Variants in ADCY2 observed in about 807,000 individuals in gnomAD.
ADCY2 encodes the protein adenylate cyclase 2, also known as adenylate cyclase type 2.
A neutral mutation model predicts 125.2 loss-of-function variants in ADCY2; 31 were observed. The observed-to-expected ratio is 0.25, with a 90% confidence interval of 0.19 to 0.33. The LOEUF (loss-of-function observed/expected upper bound fraction) is 0.33, where lower values mean the gene tolerates loss of function less well. Ranked by LOEUF, ADCY2 falls within the 10% of genes least tolerant of loss-of-function variation. ADCY2 has a pLI of 1.00. For synonymous variants in ADCY2, 512 were observed against 548.4 expected (o/e 0.93, Z 0.93); for missense variants, 904 against 1,418.2 (o/e 0.64, Z 5.82).
intron 2 of ADCY2, among the ~76,000 whole-genome samples, chr5:7,440,833 C>T (rs115366144): frequency 6.6e-6 from 1 of 152,088 alleles, no homozygotes; most frequent in South Asian, 2.1e-4. Flanking sequence ...AGCAGTGTGG[C>T]CCAAGAGTTG....
intron 16 of ADCY2, 55 bp downstream of exon 16, chr5:7,757,641 G>A: frequency 1.3e-6 from 2 of 1,560,542 alleles, no homozygotes; most frequent in South Asian, 1.2e-5. Flanking sequence ...GCATGGCCGT[G>A]TTCAACATGG....
At chr5:7,661,576 GT>G (rs1453364773) in intron 4 of ADCY2, among the ~76,000 whole-genome samples, 1 of 152,206 alleles carries the variant, frequency 6.6e-6, no homozygotes, top group Non-Finnish European at 1.5e-5. Context: ...CCGACACTTG[GT>G]TTTAATGGTC....
At chr5:7,540,468 C>T (rs1734958471) in intron 3 of ADCY2, among the ~76,000 whole-genome samples, 1 of 152,198 alleles carries the variant, frequency 6.6e-6, no homozygotes, top group Non-Finnish European at 1.5e-5. Flanking sequence ...CTAATTTCCG[C>T]AATACCCCAA....
chr5:7,399,327 G>T (rs1342897472), intron 1 of ADCY2, among the ~76,000 whole-genome samples: 1 of 152,154 alleles, frequency 6.6e-6, no homozygotes, highest in Non-Finnish European at 1.5e-5. Flanking sequence ...AGTACATAGA[G>T]ATTTTTTTGC....
At chr5:7,780,076 A>G (rs1036264652) in intron 18 of ADCY2, among the ~76,000 whole-genome samples, 1 of 152,218 alleles carries the variant, frequency 6.6e-6, no homozygotes, top group Non-Finnish European at 1.5e-5. Context: ...CAAACACAGC[A>G]GGAGAGGACA....
At chr5:7,686,993 A>G (rs1320825497) in intron 4 of ADCY2, among the ~76,000 whole-genome samples, 1 of 152,188 alleles carries the variant, frequency 6.6e-6, no homozygotes, top group Non-Finnish European at 1.5e-5. Flanking sequence ...GTGCAGTGCT[A>G]TCTACCATCC....
At chr5:7,630,189 A>G (rs1168671726) in intron 4 of ADCY2, among the ~76,000 whole-genome samples, 2 of 152,060 alleles carry the variant, frequency 1.3e-5, no homozygotes, top group Non-Finnish European at 2.9e-5. Context: ...CTGTCCTTGG[A>G]TGCAAAATTG....
chr5:7,606,209 A>C (rs866531219), intron 3 of ADCY2, among the ~76,000 whole-genome samples: 1 of 152,202 alleles, frequency 6.6e-6, no homozygotes, highest in Non-Finnish European at 1.5e-5. Context: ...CAGACACTTA[A>C]GATATATGTA....
At chr5:7,695,711 A>T (rs777442996) in intron 5 of ADCY2, 41 bp from the exon 6 acceptor site, 10 of 1,243,104 alleles carry the variant, frequency 8.0e-6, no homozygotes, top group Middle Eastern at 1.9e-4. Context: ...AAAATGTATA[A>T]ACTGGAAAAC....
intron 14 of ADCY2, among the ~76,000 whole-genome samples, chr5:7,729,809 A>T (rs1443882573): frequency 6.7e-6 from 1 of 148,334 alleles, no homozygotes; most frequent in Non-Finnish European, 1.5e-5. Context: ...AAATTTCAAT[A>T]TATATTATTT....
At chr5:7,527,750 G>A (rs1015117991) in intron 3 of ADCY2, among the ~76,000 whole-genome samples, 7 of 152,186 alleles carry the variant, frequency 4.6e-5, no homozygotes, top group African/African-American at 1.7e-4. Context: ...AATCATCTAT[G>A]CCAAGTGTGT....
rs754782927 is a variant in ADCY2, at chr5:7,789,630, C to T, written c.2470-12C>T. 1.2e-6 allele frequency: 2 copies of T among 1,610,954 alleles called. No individual in the cohort carries two copies. The highest frequency in any genetic ancestry group is 1.7e-6 in the Non-Finnish European group (2 of 1,178,504). On this transcript the variant is annotated splice_polypyrimidine_tract_variant and intron_variant, in intron 19 of 24. Coordinates refer to ENST00000338316, the MANE Select transcript of ADCY2 (RefSeq NM_020546.3). ...CCTATTGTTTCTTTACCTCTGTGTC[C>T]TCTTGTAACAGAATGAATATTACTG...
At chr5:7,615,523 T>G (rs373722528) in intron 3 of ADCY2, among the ~76,000 whole-genome samples, 1 of 152,330 alleles carries the variant, frequency 6.6e-6, no homozygotes, top group Non-Finnish European at 1.5e-5. Flanking sequence ...GTCTCAAAAT[T>G]TTTGGAAGAG....
At chr5:7,698,449 G>C in intron 7 of ADCY2, 75 bp downstream of exon 7, 1 of 1,484,700 alleles carries the variant, frequency 6.7e-7, no homozygotes, top group Non-Finnish European at 9.4e-7. Context: ...GTGCAGGTTT[G>C]TTACATAGGT....
chr5:7,554,535 A>T (rs974652643), intron 3 of ADCY2, among the ~76,000 whole-genome samples: 4 of 152,160 alleles, frequency 2.6e-5, no homozygotes, highest in Admixed American at 6.5e-5. Flanking sequence ...TGGTTCTTTT[A>T]AAAAAATATA....
At chr5:7,659,154 C>T (rs911713516) in intron 4 of ADCY2, among the ~76,000 whole-genome samples, 13 of 152,158 alleles carry the variant, frequency 8.5e-5, no homozygotes, top group African/African-American at 1.9e-4. Flanking sequence ...ATGAAAGAAA[C>T]GAGAAATGCT....
chr5:7,571,094 A>T (rs892635911), intron 3 of ADCY2, among the ~76,000 whole-genome samples: 1 of 128,892 alleles, frequency 7.8e-6, no homozygotes, highest in African/African-American at 2.5e-5. Context: ...TCTATTAGTC[A>T]GGGTTCTCTA....
At position 7,780,612 on chromosome 5, in the gene ADCY2, A is replaced by G. The variant is rs565248206; in HGVS notation, c.2385-3753A>G. Among the ~76,000 whole-genome samples, 20 of 152,316 alleles carry G rather than the reference A, an allele frequency of 1.3e-4. 1 individual carries two copies. In the East Asian group the frequency reaches 3.9e-3, roughly 29 times the overall value. ...TTATCCCAATTAGTGACCTGAGAAG[A>G]TATGATTTTACCTCAGCTAACCACT... On this transcript the variant is annotated intron_variant, in intron 18 of 24. Transcript: ENST00000338316.
chr5:7,709,358 A>C lies in ADCY2; in HGVS notation c.1549A>C (p.Thr517Pro). The change falls in exon 10 of 25, where the codon ACC (threonine) becomes CCC (proline). Residue 517 changes from threonine (T) to proline (P), a missense_variant. This residue lies in a region of ADCY2 where 144 missense variants were observed against 227.7 expected (regional missense o/e 0.63). Transcript: ENST00000338316. This position sits in a 1 kb window ranked among gnomAD's most constrained non-coding sequence, Gnocchi z 4.4. Reference protein sequence around the residue: ...FAHLHHRDSMTTENGKISTTD... With the variant: ...FAHLHHRDSMPTENGKISTTD... The stretch of plus-strand genomic sequence containing the variant: ...ACACCTACATCACAGGGACAGCATG[A>C]CCACAGAGAACGGCAAGATCAGCAC... The C allele has an allele frequency of 6.2e-7, 1 of 1,608,758 alleles. No homozygotes were observed. Among genetic ancestry groups the C allele is most frequent in the Admixed American group, 1.7e-5 (1 of 59,082 alleles).
Sources: allele counts gnomAD v4.1 joint callset (sites outside exome capture counted in the v4.1 genomes callset), GRCh38; gene constraint gnomAD v4.1.1; regional missense constraint gnomAD v4.1.1; non-coding constraint Gnocchi (gnomAD v3.1); transcripts MANE v1.5; gene names NCBI Gene and HGNC (gene_info 2026-07-23, HGNC 2026-07-21).